PHF20: variants seen among roughly 807,000 people sequenced by gnomAD.
The protein encoded by PHF20 is glioma-expressed antigen 2.
A neutral mutation model predicts 113.5 loss-of-function variants in PHF20; 23 were observed. The observed-to-expected ratio is 0.20, with a 90% CI of 0.15 to 0.29. The LOEUF is 0.29. Ranked by LOEUF, PHF20 falls within the 10% of genes least tolerant of loss-of-function variation. The pLI, the probability that PHF20 is intolerant of heterozygous loss-of-function variation, is 1.00. For synonymous variants in PHF20, 434 were observed against 457.3 expected, an observed-to-expected ratio of 0.95 and a Z score of 0.65; for missense variants, 943 against 1,219.6, an observed-to-expected ratio of 0.77 and a Z score of 3.38.
chr20:35,858,268 T>C (rs1356806353), intron 4 of PHF20, 34 bp from the exon 5 acceptor site: 1 of 1,101,808 alleles, frequency 9.1e-7, no homozygotes. Context: ...CATGAAATTG[T>C]GAGTTAAAAT....
chr20:35,798,812 A>T (rs2041720326), intron 1 of PHF20, among the ~76,000 whole-genome samples: 1 of 151,326 alleles, frequency 6.6e-6, no homozygotes, highest in South Asian at 2.1e-4. Context: ...CTCAGGCTGG[A>T]GTACAGTGGC....
chr20:35,851,791 T>C (rs2042737635), intron 4 of PHF20, among the ~76,000 whole-genome samples: 1 of 152,046 alleles, frequency 6.6e-6, no homozygotes, highest in Non-Finnish European at 1.5e-5. Context: ...AGCATGTGCC[T>C]GTAGTCCCAG....
intron 2 of PHF20, among the ~76,000 whole-genome samples, chr20:35,824,310 T>C (rs1359076718): frequency 6.6e-6 from 1 of 152,094 alleles, no homozygotes; most frequent in African/African-American, 2.4e-5. Flanking sequence ...TTACATGTTA[T>C]AAAATTCATC....
intron 17 of PHF20, 43 bp downstream of exon 17, chr20:35,941,090 G>A (rs1362587132): frequency 1.4e-5 from 22 of 1,545,872 alleles, no homozygotes; most frequent in Admixed American, 5.2e-5. Context: ...GCATGCAGTC[G>A]AGCACCCCCA....
intron 10 of PHF20, among the ~76,000 whole-genome samples, chr20:35,910,375 C>A (rs77054566): frequency 6.6e-6 from 1 of 152,020 alleles, no homozygotes; most frequent in South Asian, 2.1e-4. Context: ...CTAAATGCAA[C>A]TGAATTGGTT....
intron 9 of PHF20, among the ~76,000 whole-genome samples, chr20:35,886,582 C>A (rs570314554): frequency 1.3e-5 from 2 of 152,252 alleles, no homozygotes; most frequent in African/African-American, 4.8e-5. Context: ...AGAATAGCAA[C>A]TGTGTTGGGC....
chr20:35,821,743 G>C (rs191427125), intron 2 of PHF20, among the ~76,000 whole-genome samples: 14 of 152,284 alleles, frequency 9.2e-5, no homozygotes, highest in Admixed American at 3.9e-4. Flanking sequence ...AGGATCTTTT[G>C]TATTAGTCCA....
intron 9 of PHF20, among the ~76,000 whole-genome samples, chr20:35,895,915 G>A (rs1034530048): frequency 2.0e-5 from 3 of 152,054 alleles, no homozygotes; most frequent in Non-Finnish European, 4.4e-5. Flanking sequence ...TGGAATTCCC[G>A]ACGTCATATG....
rs138376849 is a variant in PHF20, at chr20:35,884,918, C to T, written c.1282+13089C>T. On this transcript the variant is annotated intron_variant, in intron 9 of 17. Transcript: ENST00000374012. Reference sequence around the variant, plus strand: ...AGATCTTGGCTCACTGCAACCTCCACCTCCTGGGTTCAAGCAATTCTCCTG... The same window carrying T: ...AGATCTTGGCTCACTGCAACCTCCATCTCCTGGGTTCAAGCAATTCTCCTG... Among the ~76,000 whole-genome samples, 44 of 152,272 alleles carry T rather than the reference C, an allele frequency of 2.9e-4. No individual in the cohort carries two copies. The East Asian group carries it at 7.9e-3, about 27-fold the overall frequency.
chr20:35,827,432 A>G (rs978622164), intron 2 of PHF20, among the ~76,000 whole-genome samples: 4 of 152,218 alleles, frequency 2.6e-5, no homozygotes, highest in Non-Finnish European at 5.9e-5. Flanking sequence ...CTAAGACAAA[A>G]GACACCCATG....
intron 2 of PHF20, among the ~76,000 whole-genome samples, chr20:35,841,379 A>T (rs1269441087): frequency 6.6e-6 from 1 of 152,042 alleles, no homozygotes; most frequent in Non-Finnish European, 1.5e-5. Flanking sequence ...AAACGAAACA[A>T]TAGCTTAGCA....
At chr20:35,792,546 T>C (rs934999851) in intron 1 of PHF20, among the ~76,000 whole-genome samples, 2 of 152,012 alleles carry the variant, frequency 1.3e-5, no homozygotes, top group African/African-American at 4.8e-5. Context: ...TTCTTCCTCC[T>C]TACCTCTTCT....
chr20:35,900,187 G>T (rs1277077425), intron 10 of PHF20, among the ~76,000 whole-genome samples: 2 of 152,128 alleles, frequency 1.3e-5, no homozygotes, highest in Middle Eastern at 3.2e-3. Flanking sequence ...TTATTACAGA[G>T]AACCTTTTAG....
At chr20:35,917,022 C>T (rs1395053711) in intron 12 of PHF20, among the ~76,000 whole-genome samples, 1 of 152,128 alleles carries the variant, frequency 6.6e-6, no homozygotes, top group Non-Finnish European at 1.5e-5. Context: ...CTTCGGCCTC[C>T]CAAAATGCTG....
chr20:35,899,115 C>G (rs1367398293), intron 9 of PHF20, among the ~76,000 whole-genome samples: 1 of 151,910 alleles, frequency 6.6e-6, no homozygotes, highest in Non-Finnish European at 1.5e-5. Flanking sequence ...ATATGAAACC[C>G]TGAAAACTTG....
intron 10 of PHF20, among the ~76,000 whole-genome samples, chr20:35,903,053 C>G (rs1386546182): frequency 2.5e-5 from 3 of 118,990 alleles, no homozygotes; most frequent in South Asian, 2.8e-4. Flanking sequence ...TTTTCGTTTC[C>G]TTTCCTTTCC....
chr20:35,799,327 G>A (rs113900896), intron 1 of PHF20, among the ~76,000 whole-genome samples: 6,744 of 147,500 alleles, frequency 0.046, 213 homozygotes, highest in African/African-American at 0.084. Flanking sequence ...AAAGCTGGGT[G>A]TGCTGACGCA....
chr20:35,792,517 T>C (rs1470451742), intron 1 of PHF20, among the ~76,000 whole-genome samples: 2 of 151,874 alleles, frequency 1.3e-5, no homozygotes, highest in African/African-American at 4.8e-5. Context: ...TTGCCTGCCC[T>C]TCCTTCCTTC....
intron 2 of PHF20, among the ~76,000 whole-genome samples, chr20:35,842,014 T>C (rs2042545155): frequency 6.6e-6 from 1 of 152,160 alleles, no homozygotes; most frequent in South Asian, 2.1e-4. Flanking sequence ...TCTTCCACTT[T>C]ACATGAGGGA....
Sources: allele counts gnomAD v4.1 joint callset (sites outside exome capture counted in the v4.1 genomes callset), GRCh38; gene constraint gnomAD v4.1.1; transcripts MANE v1.5; gene names NCBI Gene and HGNC (gene_info 2026-07-23, HGNC 2026-07-21).